Variants in ACBD6 observed in about 807,000 individuals in gnomAD.
The protein encoded by ACBD6 is acyl-CoA-binding domain-containing protein 6.
In ACBD6, 28 loss-of-function variants were observed where a neutral mutation model predicts 37.2. That is an observed-to-expected ratio of 0.75 (90% confidence interval 0.56 to 1.03). ACBD6 has a LOEUF of 1.03. Ranked by LOEUF, ACBD6 falls within the 50% of genes least tolerant of loss-of-function variation. The pLI is 0.00. For missense variants in ACBD6, 340 were observed against 337.4 expected (o/e 1.01, Z -0.06); for synonymous variants, 113 against 126.8 (o/e 0.89, Z 0.73).
intron 6 of ACBD6, among the ~76,000 whole-genome samples, chr1:180,381,197 A>G (rs1027152675): frequency 1.3e-5 from 2 of 152,286 alleles, no homozygotes; most frequent in Admixed American, 1.3e-4. Flanking sequence ...ACATCGCAGC[A>G]CCCAGATATT....
exon 14 of ACBD6, chr1:180,270,554 T>TAACA (rs1460106421): frequency 6.6e-6 from 1 of 152,502 alleles, no homozygotes; most frequent in East Asian, 1.9e-4. Context: ...AGACTTTAAC[T>TAACA]AACAGGAACT....
intron 2 of ACBD6, among the ~76,000 whole-genome samples, chr1:180,493,985 A>G (rs746534828): frequency 9.9e-5 from 15 of 152,196 alleles, no homozygotes; most frequent in Non-Finnish European, 1.5e-4. Context: ...GCCCTTTTCA[A>G]TGCATCACAC....
intron 6 of ACBD6, among the ~76,000 whole-genome samples, chr1:180,373,355 C>A (rs570847825): frequency 2.6e-5 from 4 of 152,162 alleles, no homozygotes; most frequent in Non-Finnish European, 1.5e-5. Flanking sequence ...CTCATCAAAG[C>A]AGTCATTTGC....
rs533037914 is a variant in ACBD6, at chr1:180,455,274, G to A, written c.385-25012C>T. Among the ~76,000 whole-genome samples, 10 of 151,576 alleles carry A rather than the reference G, an allele frequency of 6.6e-5. No individual in the cohort carries two copies. The East Asian group carries it at 1.9e-3, about 29-fold the overall frequency. Reference sequence around the variant, plus strand: ...TTCTCAGCAAACTAACACAGGAACAGAAAACCAAACACCACATATTCTCAT... The same window carrying A: ...TTCTCAGCAAACTAACACAGGAACAAAAAACCAAACACCACATATTCTCAT... On this transcript the variant is annotated intron_variant, in intron 3 of 7. Transcript: ENST00000367595.
chr1:180,477,565 A>G (rs903770678), intron 3 of ACBD6, among the ~76,000 whole-genome samples: 5 of 152,200 alleles, frequency 3.3e-5, no homozygotes, highest in Non-Finnish European at 7.3e-5. Context: ...AGAGTTTATC[A>G]TTAGAACGAA....
chr1:180,437,412 T>A (rs767275290), intron 3 of ACBD6, among the ~76,000 whole-genome samples: 1 of 152,206 alleles, frequency 6.6e-6, no homozygotes, highest in African/African-American at 2.4e-5. Flanking sequence ...GATACCCAGT[T>A]GGTGTCTGCT....
intron 6 of ACBD6, among the ~76,000 whole-genome samples, chr1:180,327,123 T>C (rs982294749): frequency 3.9e-5 from 6 of 152,156 alleles, no homozygotes; most frequent in Non-Finnish European, 8.8e-5. Context: ...CTAGACTGCC[T>C]TTCAAGTATA....
chr1:180,490,790 A>G (rs1651465623), intron 3 of ACBD6, among the ~76,000 whole-genome samples: 1 of 150,444 alleles, frequency 6.6e-6, no homozygotes, highest in African/African-American at 2.4e-5. Flanking sequence ...TGTCTCAAAA[A>G]AAAAAAAAAA....
At chr1:180,490,987 A>G (rs1032141953) in intron 3 of ACBD6, among the ~76,000 whole-genome samples, 1 of 145,898 alleles carries the variant, frequency 6.9e-6, no homozygotes, top group African/African-American at 2.5e-5. Flanking sequence ...AAAAAAGGAC[A>G]TTTTTCAATG....
At chr1:180,438,135 G>A (rs766945787) in intron 3 of ACBD6, among the ~76,000 whole-genome samples, 16 of 152,160 alleles carry the variant, frequency 1.1e-4, no homozygotes, top group African/African-American at 1.7e-4. Context: ...CATGTGAGGG[G>A]TCTAGGTTAC....
intron 3 of ACBD6, among the ~76,000 whole-genome samples, chr1:180,471,504 T>C (rs1027980038): frequency 1.3e-4 from 19 of 150,738 alleles, no homozygotes; most frequent in African/African-American, 4.7e-4. Flanking sequence ...GAAAAAGAGG[T>C]TTAATTGGAC....
At chr1:180,411,187 A>G (rs1647840374) in intron 5 of ACBD6, among the ~76,000 whole-genome samples, 1 of 152,254 alleles carries the variant, frequency 6.6e-6, no homozygotes. Context: ...ATAAGCAAAC[A>G]AAGTGGTTTC....
At chr1:180,299,933 G>T (rs1463015938) in intron 7 of ACBD6, among the ~76,000 whole-genome samples, 1 of 152,156 alleles carries the variant, frequency 6.6e-6, no homozygotes, top group East Asian at 1.9e-4. Flanking sequence ...GGCACATAAG[G>T]GTTTTAGTAT....
chr1:180,455,518 A>G (rs1397578424), intron 3 of ACBD6, among the ~76,000 whole-genome samples: 1 of 152,172 alleles, frequency 6.6e-6, no homozygotes, highest in African/African-American at 2.4e-5. Context: ...CTTAAAGTAT[A>G]ATTTAAAAAA....
At position 180,423,343 on chromosome 1, in the gene ACBD6, T is replaced by C. The variant is rs138078565; in HGVS notation, c.467+6837A>G. On this transcript the variant is annotated intron_variant, in intron 4 of 7. Coordinates refer to ENST00000367595, the MANE Select transcript of ACBD6 (RefSeq NM_032360.4). ...CACAGTGCCATATCTGCAACTGATTTCAGACAGTTATAGAAACAAACCAGT... is the reference window on the plus strand; with the variant it reads ...CACAGTGCCATATCTGCAACTGATTCCAGACAGTTATAGAAACAAACCAGT... Among the ~76,000 whole-genome samples, 873 of 152,314 alleles carry C rather than the reference T, an allele frequency of 5.7e-3. 6 individuals carry two copies. The highest frequency in any genetic ancestry group is 0.019 in the African/African-American group (810 of 41,562).
intron 2 of ACBD6, among the ~76,000 whole-genome samples, chr1:180,493,418 T>G (rs890832650): frequency 2.0e-5 from 3 of 152,036 alleles, no homozygotes; most frequent in South Asian, 2.1e-4. Flanking sequence ...AGGACAGGCC[T>G]TCTTCTTGGT....
chr1:180,344,361 G>A (rs1652094700), intron 6 of ACBD6, among the ~76,000 whole-genome samples: 1 of 152,038 alleles, frequency 6.6e-6, no homozygotes, highest in Admixed American at 6.5e-5. Flanking sequence ...TTGCAAGAGA[G>A]AAAGAGAAGC....
intron 3 of ACBD6, among the ~76,000 whole-genome samples, chr1:180,438,953 G>A (rs868556319): frequency 2.1e-4 from 32 of 151,744 alleles, no homozygotes; most frequent in Admixed American, 3.3e-4. Flanking sequence ...CTGAACCCAC[G>A]GCAACTAGTG....
chr1:180,302,376 C>A (rs1650164560), intron 7 of ACBD6, among the ~76,000 whole-genome samples: 1 of 151,662 alleles, frequency 6.6e-6, no homozygotes, highest in Non-Finnish European at 1.5e-5. Context: ...TAAAAAAAAA[C>A]CCTGCATATG....
Sources: allele counts gnomAD v4.1 joint callset (sites outside exome capture counted in the v4.1 genomes callset), GRCh38; gene constraint gnomAD v4.1.1; transcripts MANE v1.5; gene names NCBI Gene and HGNC (gene_info 2026-07-23, HGNC 2026-07-21).